Variants in NAV2 observed in about 807,000 individuals in gnomAD.
NAV2 encodes the protein helicase, APC down-regulated 1.
Under a neutral mutation model 223.2 loss-of-function variants are expected in NAV2, and 54 were observed. The ratio of observed to expected loss-of-function variants is 0.24; its 90% CI spans 0.19 to 0.30. NAV2 has a LOEUF of 0.30. Among genes scored for constraint, NAV2 ranks in the 10% least tolerant of loss-of-function variants. The pLI is 1.00. For synonymous variants in NAV2, 1,279 were observed against 1,239.3 expected (o/e 1.03, Z -0.67); for missense variants, 2,806 against 3,147.5 (o/e 0.89, Z 2.60).
chr11:19,857,812 G>A (rs12365410), intron 3 of NAV2, among the ~76,000 whole-genome samples: 14,962 of 152,184 alleles, frequency 0.098, 785 homozygotes, highest in Admixed American at 0.14. Flanking sequence ...TGATACTTCA[G>A]TTGCCATGCA....
chr11:19,724,375 C>G (rs2051051372), intron 1 of NAV2, among the ~76,000 whole-genome samples: 1 of 152,088 alleles, frequency 6.6e-6, no homozygotes, highest in Non-Finnish European at 1.5e-5. Flanking sequence ...TTTTAAGAGA[C>G]TGGGTGTCTC....
intron 16 of NAV2, 150 bp downstream of exon 16, chr11:20,050,051 G>A (rs1022566839): frequency 4.3e-5 from 30 of 693,580 alleles, no homozygotes; most frequent in Middle Eastern, 7.7e-4. Flanking sequence ...GGACATGCCA[G>A]TGAGAGTCTG....
In NAV2 at chr11:19,912,708, G is replaced by A. The variant is rs145735248; in HGVS notation, c.931+20114G>A. 9.7e-3 allele frequency among the ~76,000 whole-genome samples: 1,477 copies of A among 152,274 alleles called. 11 individuals carry two copies. Among genetic ancestry groups the A allele is most frequent in the Non-Finnish European group, 0.016 (1,069 of 68,026 alleles). ...TGTAAATTTCCAAGAGACCCAGACTGTGCCTTATTTCTCTTTACACCCAGC... is the reference window on the plus strand; with the variant it reads ...TGTAAATTTCCAAGAGACCCAGACTATGCCTTATTTCTCTTTACACCCAGC... On this transcript the variant is annotated intron_variant, in intron 6 of 37. Transcript: ENST00000349880.
chr11:19,504,327 C>A (rs1237673266), intron 1 of NAV2: 1 of 152,216 alleles, frequency 6.6e-6, no homozygotes, highest in Non-Finnish European at 1.5e-5. Context: ...CTCTTTTAGG[C>A]TCATGATGGT....
chr11:19,744,160 G>A lies in NAV2; in HGVS notation c.267+30198G>A, dbSNP rs1282007747. Among the ~76,000 whole-genome samples the A allele has an allele frequency of 2.6e-5, 4 of 152,334 alleles. No individual in the cohort carries two copies. The South Asian group carries it at 6.2e-4, about 24-fold the overall frequency. ...GAGGTTCAGTCACTTAGTGAAGTGG[G>A]AGCTTGGTTTTAAACCCATACTTCT... is the stretch of plus-strand genomic sequence containing the variant. On this transcript the variant is annotated intron_variant, in intron 1 of 37. Coordinates refer to ENST00000349880, the MANE Select transcript of NAV2 (RefSeq NM_145117.5).
At chr11:19,383,829 T>C (rs1564894006) in intron 1 of NAV2, among the ~76,000 whole-genome samples, 1 of 152,244 alleles carries the variant, frequency 6.6e-6, no homozygotes, top group Non-Finnish European at 1.5e-5. Flanking sequence ...AGTTAGACAA[T>C]ATGCGTCAAA....
intron 12 of NAV2, among the ~76,000 whole-genome samples, chr11:20,040,938 G>C (rs1356053790): frequency 6.6e-6 from 1 of 152,158 alleles, no homozygotes; most frequent in East Asian, 1.9e-4. Flanking sequence ...AGCTGGGAAG[G>C]TGACCACCCT....
chr11:20,064,515 A>T (rs1168714830), intron 20 of NAV2, among the ~76,000 whole-genome samples: 1 of 152,090 alleles, frequency 6.6e-6, no homozygotes, highest in Admixed American at 6.5e-5. Context: ...AAAATGGGAG[A>T]CTGGCCAGCA....
chr11:19,554,117 C>T (rs537395913), intron 1 of NAV2, among the ~76,000 whole-genome samples: 1 of 152,322 alleles, frequency 6.6e-6, no homozygotes, highest in South Asian at 2.1e-4. Context: ...ATAAAGGTGG[C>T]CAGAGGGAAC....
Position 19,933,682 on chromosome 11 carries a change from A to C in NAV2, c.1438A>C (p.Ser480Arg), listed in dbSNP as rs1321381589. ...TAGCCGGGCACTGACCAACAAGAAG[A>C]GTTCTCTGAAAGGCAATGAGAAAGA... is the stretch of plus-strand genomic sequence containing the variant. ...TFSRALTNKK[S>R]SLKGNEKEKE... is the part of the protein sequence containing the mutation. The change falls in exon 7 of 38, where the codon AGT becomes CGT. Residue 480 changes from serine to arginine, a missense_variant. Physicochemically the swap from Ser to Arg is moderately radical, Grantham distance 110. Transcript: ENST00000349880. The surrounding 1 kb of genome is among the most constrained non-coding windows in gnomAD (Gnocchi z 4.3). 9.9e-6 allele frequency: 16 copies of C among 1,614,062 alleles called. No individual in the cohort carries two copies. The highest frequency in any genetic ancestry group is 1.6e-4 in the Middle Eastern group (1 of 6,084).
At chr11:19,843,262 T>G (rs1349799066) in intron 3 of NAV2, among the ~76,000 whole-genome samples, 1 of 152,206 alleles carries the variant, frequency 6.6e-6, no homozygotes, top group African/African-American at 2.4e-5. Context: ...CACATCAATA[T>G]GTGTTTGTGT....
chr11:20,045,334 A>G lies in NAV2; in HGVS notation c.3566A>G (p.Gln1189Arg), dbSNP rs1170034890. The change falls in exon 14 of 38, where the codon CAG becomes CGG. Residue 1189 changes from glutamine to arginine, a missense_variant. Physicochemically the swap from Gln to Arg is conservative, Grantham distance 43. Around this residue, in one of 4 missense-constraint regions of NAV2, gnomAD observed 742 missense variants for 777.9 expected, o/e 0.95. Transcript: ENST00000349880. ...YLALSSRTNL[Q>R]YRSLPRPSKS... ...GCCCTAAGCTCCCGGACAAACCTTCAGTACCGGAGTTTGCCGAGGCCCAGT... is the reference window on the plus strand; with the variant it reads ...GCCCTAAGCTCCCGGACAAACCTTCGGTACCGGAGTTTGCCGAGGCCCAGT... 2.5e-6 allele frequency: 4 copies of G among 1,614,052 alleles called. No homozygotes were observed. The highest frequency in any genetic ancestry group is 3.4e-6 in the Non-Finnish European group (4 of 1,180,010).
At chr11:20,102,096 C>T (rs1236186107) in intron 32 of NAV2, among the ~76,000 whole-genome samples, 1 of 152,076 alleles carries the variant, frequency 6.6e-6, no homozygotes, top group Non-Finnish European at 1.5e-5. Flanking sequence ...GAGAGAAGTA[C>T]CCAGAGCTCT....
chr11:20,043,419 C>T (rs2057130549), intron 12 of NAV2, among the ~76,000 whole-genome samples: 1 of 152,054 alleles, frequency 6.6e-6, no homozygotes, highest in Non-Finnish European at 1.5e-5. Context: ...GGCCCCTTTT[C>T]CTCTCTTCCC....
At chr11:19,576,297 G>A (rs2045569705) in intron 1 of NAV2, among the ~76,000 whole-genome samples, 1 of 152,202 alleles carries the variant, frequency 6.6e-6, no homozygotes, top group Non-Finnish European at 1.5e-5. Flanking sequence ...AACTTTTGAT[G>A]GTTCTTGAAG....
chr11:19,462,708 G>A (rs1235634159), intron 1 of NAV2, among the ~76,000 whole-genome samples: 2 of 152,232 alleles, frequency 1.3e-5, no homozygotes, highest in Admixed American at 6.5e-5. Flanking sequence ...GAGTAGCACA[G>A]GTTTGAGGAA....
intron 11 of NAV2, among the ~76,000 whole-genome samples, chr11:20,000,856 G>T (rs539574571): frequency 6.6e-6 from 1 of 152,110 alleles, no homozygotes; most frequent in Non-Finnish European, 1.5e-5. Context: ...TGTGTGCTGC[G>T]GTTCCTGGCA....
chr11:19,847,075 G>A (rs1316106128), intron 3 of NAV2, among the ~76,000 whole-genome samples: 1 of 152,152 alleles, frequency 6.6e-6, no homozygotes, highest in Non-Finnish European at 1.5e-5. Context: ...TGGCAACCAA[G>A]GGGCATCTCT....
intron 31 of NAV2, among the ~76,000 whole-genome samples, chr11:20,098,014 C>A (rs1465534641): frequency 6.6e-6 from 1 of 152,136 alleles, no homozygotes; most frequent in African/African-American, 2.4e-5. Flanking sequence ...ATCTTAATAA[C>A]CCTGTTGAAA....
Sources: allele counts gnomAD v4.1 joint callset (sites outside exome capture counted in the v4.1 genomes callset), GRCh38; gene constraint gnomAD v4.1.1; regional missense constraint gnomAD v4.1.1; non-coding constraint Gnocchi (gnomAD v3.1); transcripts MANE v1.5; gene names NCBI Gene and HGNC (gene_info 2026-07-23, HGNC 2026-07-21).